Variants in ATOSB observed in about 807,000 individuals in gnomAD.
The protein encoded by ATOSB is atos homolog B, also known as atos homolog protein B.
the ATOSB span, chr9:35,106,106 C>T: frequency 3.3e-6 from 5 of 1,509,140 alleles, no homozygotes; most frequent in Admixed American, 7.8e-5. The surrounding 1 kb of genome is among the most constrained non-coding windows in gnomAD (Gnocchi z 4.6). Flanking sequence ...CTGAACCTGC[C>T]CCTGCCCTAC....
the ATOSB span, chr9:35,105,614 C>T: frequency 9.2e-6 from 14 of 1,522,056 alleles, no homozygotes; most frequent in South Asian, 1.5e-4. The surrounding 1 kb of genome is among the most constrained non-coding windows in gnomAD (Gnocchi z 5.5). Context: ...AGTATCGAAG[C>T]AAGGAGAGAT....
the ATOSB span, chr9:35,106,092 C>T: frequency 8.5e-6 from 13 of 1,521,864 alleles, no homozygotes; most frequent in East Asian, 2.4e-5. The surrounding 1 kb of genome is among the most constrained non-coding windows in gnomAD (Gnocchi z 4.6). Flanking sequence ...CACAAGCTCT[C>T]ACCCTGAACC....
At chr9:35,106,418 T>C in the ATOSB span, 44 of 1,614,150 alleles carry the variant, frequency 2.7e-5, 1 homozygote, top group South Asian at 4.5e-4. The surrounding 1 kb of genome is among the most constrained non-coding windows in gnomAD (Gnocchi z 4.6). Flanking sequence ...TTCCTGGGAT[T>C]AGGGTAGGGA....
chr9:35,106,648 T>A, the ATOSB span: 3 of 1,547,202 alleles, frequency 1.9e-6, no homozygotes, highest in African/African-American at 4.1e-5. The surrounding 1 kb of genome is among the most constrained non-coding windows in gnomAD (Gnocchi z 4.6). Flanking sequence ...GGGCTCCTGG[T>A]AGAGGAAGGG....
At chr9:35,108,157 C>A in the ATOSB span, 12 of 1,585,538 alleles carry the variant, frequency 7.6e-6, no homozygotes, top group Middle Eastern at 1.7e-4. Context: ...GTCGCCCCCC[C>A]TGCTGGGCTG....
the ATOSB span, chr9:35,104,968 C>T: frequency 2.8e-6 from 1 of 359,124 alleles, no homozygotes; most frequent in Non-Finnish European, 5.0e-6. Flanking sequence ...CTCAGGGTAG[C>T]TCCAGTTCCT....
chr9:35,106,609 G>A, the ATOSB span: 2 of 1,561,896 alleles, frequency 1.3e-6, no homozygotes, highest in Non-Finnish European at 1.7e-6. This position sits in a 1 kb window ranked among gnomAD's most constrained non-coding sequence, Gnocchi z 4.6. Context: ...GGGCTCAGCA[G>A]GCCTGGCCCC....
the ATOSB span, chr9:35,105,893 G>A: frequency 1.2e-6 from 2 of 1,613,894 alleles, no homozygotes; most frequent in South Asian, 1.1e-5. This position sits in a 1 kb window ranked among gnomAD's most constrained non-coding sequence, Gnocchi z 5.5. Flanking sequence ...TAGGGCCTGA[G>A]GGCTGCTTTC....
the ATOSB span, chr9:35,106,706 C>G: frequency 6.8e-7 from 1 of 1,466,742 alleles, no homozygotes; most frequent in Non-Finnish European, 9.3e-7. This position sits in a 1 kb window ranked among gnomAD's most constrained non-coding sequence, Gnocchi z 4.6. Context: ...TGCTTATGCC[C>G]TTGGACTCCA....
the ATOSB span, among the ~76,000 whole-genome samples, chr9:35,116,104 A>AC: frequency 8.6e-6 from 1 of 116,830 alleles, no homozygotes; most frequent in Non-Finnish European, 1.8e-5. Flanking sequence ...CCCAGGCCCC[A>AC]CCCCCGATCC....
chr9:35,107,714 G>A, the ATOSB span: 2 of 1,602,672 alleles, frequency 1.2e-6, no homozygotes, highest in Admixed American at 1.7e-5. Flanking sequence ...GCAAATCAGT[G>A]TCAAGTGTGT....
At chr9:35,104,644 G>C in the ATOSB span, 1 of 428,164 alleles carries the variant, frequency 2.3e-6, no homozygotes, top group African/African-American at 2.1e-5. Context: ...GGAAGTGAAG[G>C]GACTGGGGAA....
the ATOSB span, chr9:35,106,300 A>G: frequency 6.2e-7 from 1 of 1,614,200 alleles, no homozygotes; most frequent in Non-Finnish European, 8.5e-7. This position sits in a 1 kb window ranked among gnomAD's most constrained non-coding sequence, Gnocchi z 4.6. Context: ...AGAATGTGAC[A>G]GTGACAGGCA....
chr9:35,108,283 C>G, the ATOSB span: 2 of 1,536,302 alleles, frequency 1.3e-6, no homozygotes, highest in Non-Finnish European at 1.7e-6. Flanking sequence ...ATGAAGCCCC[C>G]CTTGGGTCAG....
the ATOSB span, chr9:35,108,046 G>A: frequency 1.3e-6 from 2 of 1,536,402 alleles, no homozygotes; most frequent in East Asian, 2.3e-5. Flanking sequence ...TTCAGCTCCC[G>A]GGGACCCTCA....
At chr9:35,105,558 C>T in the ATOSB span, 1 of 1,046,638 alleles carries the variant, frequency 9.6e-7, no homozygotes, top group Non-Finnish European at 1.4e-6. This position sits in a 1 kb window ranked among gnomAD's most constrained non-coding sequence, Gnocchi z 5.5. Flanking sequence ...TATATATGTA[C>T]ATACATACAT....
the ATOSB span, chr9:35,107,006 C>G: frequency 4.4e-6 from 4 of 914,136 alleles, no homozygotes; most frequent in Non-Finnish European, 6.8e-6. Context: ...TCCACCTTTA[C>G]CCACACAAAT....
At chr9:35,113,549 A>G in the ATOSB span, among the ~76,000 whole-genome samples, 3 of 152,192 alleles carry the variant, frequency 2.0e-5, no homozygotes, top group Non-Finnish European at 4.4e-5. Context: ...ACTTGAACCC[A>G]GGAGGCGGAG....
chr9:35,110,810 C>T, the ATOSB span: 1 of 152,396 alleles, frequency 6.6e-6, no homozygotes, highest in African/African-American at 2.4e-5. Flanking sequence ...AAGGCTCATT[C>T]TCCCCTTCCC....
Sources: allele counts gnomAD v4.1 joint callset (sites outside exome capture counted in the v4.1 genomes callset), GRCh38; gene constraint gnomAD v4.1.1; non-coding constraint Gnocchi (gnomAD v3.1); transcripts MANE v1.5; gene names NCBI Gene and HGNC (gene_info 2026-07-23, HGNC 2026-07-21).